Variants in SLC2A9 observed in about 807,000 individuals in gnomAD.
SLC2A9 encodes solute carrier family 2 member 9, also known as solute carrier family 2, facilitated glucose transporter member 9.
Under a neutral mutation model 50.6 loss-of-function variants are expected in SLC2A9, and 39 were observed. That is an observed-to-expected ratio of 0.77 (90% CI 0.60 to 1.01). SLC2A9 has a LOEUF of 1.01. Ranked by LOEUF, SLC2A9 falls within the 50% of genes least tolerant of loss-of-function variation. The pLI, the probability that SLC2A9 is intolerant of heterozygous loss-of-function variation, is 0.00. For missense variants in SLC2A9, 686 were observed against 677.6 expected, an observed-to-expected ratio of 1.01 and a Z score of -0.14; for synonymous variants, 324 against 276.9, an observed-to-expected ratio of 1.17 and a Z score of -1.69.
chr4:9,811,801 C>T (rs1171052764), intron 3 of SLC2A9, among the ~76,000 whole-genome samples: 1 of 152,100 alleles, frequency 6.6e-6, no homozygotes, highest in Non-Finnish European at 1.5e-5. Flanking sequence ...GTTTTTTCCT[C>T]ACTGAGGTGG....
intron 3 of SLC2A9, among the ~76,000 whole-genome samples, chr4:9,992,853 T>C (rs1757952480): frequency 6.6e-6 from 1 of 152,252 alleles, no homozygotes; most frequent in Non-Finnish European, 1.5e-5. Context: ...CATGAGACAC[T>C]GTAAATTTGA....
At chr4:9,863,038 A>G (rs1307661655) in intron 10 of SLC2A9, among the ~76,000 whole-genome samples, 1 of 152,110 alleles carries the variant, frequency 6.6e-6, no homozygotes, top group African/African-American at 2.4e-5. Flanking sequence ...TTATCAGTGT[A>G]CATGTCTTCT....
chr4:9,950,754 G>A lies in SLC2A9; in HGVS notation c.682-8709C>T, dbSNP rs1253705824. On this transcript the variant is annotated intron_variant, in intron 5 of 11. Transcript: ENST00000264784. ...TAAAAATACAAAAAATTAGCCGGGC[G>A]TGGTAGCGGGCGCCTGTAGTCTCAG... is the stretch of plus-strand genomic sequence containing the variant. Among the ~76,000 whole-genome samples the A allele has an allele frequency of 7.4e-5, 7 of 94,296 alleles. 3 individuals are homozygous for A. Among genetic ancestry groups the A allele is most frequent in the South Asian group, 6.0e-4 (2 of 3,320 alleles). 61.9% of individuals were successfully genotyped at this position (94,296 alleles called of 152,430 possible). A position where few individuals can be genotyped will look rare whatever the true frequency, so the allele number is the denominator to read the frequency against.
At chr4:9,804,548 C>T (rs1721875459) in intron 3 of SLC2A9, among the ~76,000 whole-genome samples, 1 of 152,188 alleles carries the variant, frequency 6.6e-6, no homozygotes, top group South Asian at 2.1e-4. Context: ...TGACTCACCA[C>T]CACATGCCAG....
At chr4:10,031,419 A>G (rs1387062938) in intron 1 of SLC2A9, among the ~76,000 whole-genome samples, 4 of 152,246 alleles carry the variant, frequency 2.6e-5, no homozygotes, top group African/African-American at 4.8e-5. Context: ...TACGGATCCA[A>G]TCGAATTAGC....
intron 10 of SLC2A9, among the ~76,000 whole-genome samples, chr4:9,865,758 C>A (rs1732351072): frequency 6.6e-6 from 1 of 152,172 alleles, no homozygotes; most frequent in Non-Finnish European, 1.5e-5. Flanking sequence ...GGTTTCCCAC[C>A]CTTTCCAGGA....
intron 2 of SLC2A9, 80 bp downstream of exon 2, chr4:10,018,895 G>C: frequency 7.2e-7 from 1 of 1,386,616 alleles, no homozygotes; most frequent in Non-Finnish European, 1.0e-6. Context: ...AGGAGGGGGC[G>C]CTGGAGCCCA....
chr4:9,893,689 C>A (rs1737977670), intron 8 of SLC2A9, among the ~76,000 whole-genome samples: 1 of 152,078 alleles, frequency 6.6e-6, no homozygotes, highest in African/African-American at 2.4e-5. Context: ...ACTGATGGGG[C>A]TGCTGTGCCA....
At chr4:9,808,225 T>C (rs766397305) in intron 3 of SLC2A9, among the ~76,000 whole-genome samples, 4 of 152,246 alleles carry the variant, frequency 2.6e-5, no homozygotes, top group Non-Finnish European at 4.4e-5. Context: ...GCCAGGCCTC[T>C]TCTCAGAAAA....
At chr4:9,960,531 C>T (rs933620009) in intron 5 of SLC2A9, among the ~76,000 whole-genome samples, 1 of 152,176 alleles carries the variant, frequency 6.6e-6, no homozygotes, top group African/African-American at 2.4e-5. Flanking sequence ...CACAGCTCCT[C>T]CCCATGTACC....
intron 7 of SLC2A9, among the ~76,000 whole-genome samples, chr4:9,919,812 T>G (rs1312243338): frequency 1.3e-5 from 2 of 152,198 alleles, no homozygotes; most frequent in African/African-American, 4.8e-5. Flanking sequence ...AGACTCTGCC[T>G]CCCTAAGTCT....
intron 2 of SLC2A9, among the ~76,000 whole-genome samples, chr4:10,009,112 A>G (rs1372602411): frequency 1.3e-5 from 2 of 152,112 alleles, no homozygotes; most frequent in Admixed American, 1.3e-4. Context: ...CTCTTCCACC[A>G]AAGTCTTGAG....
At chr4:9,887,760 C>T in intron 9 of SLC2A9, 118 bp from the exon 10 acceptor site, 1 of 628,324 alleles carries the variant, frequency 1.6e-6, no homozygotes, top group East Asian at 3.4e-5. Flanking sequence ...CACTTGATGT[C>T]CCCAAGCCCC....
At chr4:10,025,574 T>G, upstream of SLC2A9, 1 of 285,354 alleles carries the variant, frequency 3.5e-6, no homozygotes, top group Non-Finnish European at 6.8e-6. Context: ...AAGGGGTGGG[T>G]TTTAGTGTAT....
In SLC2A9 at chr4:9,877,680, G is replaced by A. The variant is rs76504720; in HGVS notation, c.1291+9887C>T. Among the ~76,000 whole-genome samples the A allele has an allele frequency of 5.4e-3, 827 of 152,278 alleles. 7 individuals are homozygous for A. The highest frequency in any genetic ancestry group is 0.019 in the African/African-American group (796 of 41,554). The stretch of plus-strand genomic sequence containing the variant: ...AGGACTGAGCCCTTTCACTTGCAGG[G>A]CAGGGCCAGGATGTTTCATGGTTTC... On this transcript the variant is annotated intron_variant, in intron 10 of 11. Coordinates refer to ENST00000264784, the MANE Select transcript of SLC2A9 (RefSeq NM_020041.3).
chr4:9,996,196 T>C (rs1578244610), intron 3 of SLC2A9, among the ~76,000 whole-genome samples: 1 of 152,226 alleles, frequency 6.6e-6, no homozygotes, highest in Admixed American at 6.5e-5. Flanking sequence ...ATGACCTAAA[T>C]GTCTCTCAGT....
chr4:9,900,933 G>A (rs185197420), intron 8 of SLC2A9, among the ~76,000 whole-genome samples: 1 of 152,318 alleles, frequency 6.6e-6, no homozygotes, highest in Non-Finnish European at 1.5e-5. Context: ...CATGACACAT[G>A]GGGATTGTGG....
intron 2 of SLC2A9, among the ~76,000 whole-genome samples, chr4:10,001,153 A>G (rs563297691): frequency 6.6e-6 from 1 of 152,336 alleles, no homozygotes; most frequent in East Asian, 1.9e-4. Flanking sequence ...AGACACGGGT[A>G]CAGAGTGAAT....
intron 1 of SLC2A9, 141 bp downstream of exon 1, chr4:10,021,139 A>G (rs1413588441): frequency 4.6e-6 from 4 of 870,894 alleles, no homozygotes; most frequent in Non-Finnish European, 7.5e-6. Context: ...GTGCAACTCA[A>G]ACTGAGGCCT....
Sources: allele counts gnomAD v4.1 joint callset (sites outside exome capture counted in the v4.1 genomes callset), GRCh38; gene constraint gnomAD v4.1.1; transcripts MANE v1.5; gene names NCBI Gene and HGNC (gene_info 2026-07-23, HGNC 2026-07-21).